The following ZFAND6 variants were observed in gnomAD, a reference collection of about 807,000 sequenced individuals.
ZFAND6 encodes AN1-type zinc finger protein 6.
In ZFAND6, 12 loss-of-function variants were observed where a neutral mutation model predicts 24.5. The observed-to-expected ratio is 0.49, with a 90% CI of 0.31 to 0.79. The LOEUF (loss-of-function observed/expected upper bound fraction) is 0.79, where lower values mean the gene tolerates loss of function less well. ZFAND6 is among the 30% of genes least tolerant of loss of function. The pLI is 0.04. For missense variants in ZFAND6, 207 were observed against 245.9 expected, an observed-to-expected ratio of 0.84 and a Z score of 1.06; for synonymous variants, 92 against 81.5, an observed-to-expected ratio of 1.13 and a Z score of -0.69.
intron 1 of ZFAND6, among the ~76,000 whole-genome samples, chr15:80,082,360 GAT>G (rs2037723379): frequency 6.6e-6 from 1 of 152,202 alleles, no homozygotes; most frequent in South Asian, 2.1e-4. Context: ...TTTATAGAGA[GAT>G]AGGAAAAATT....
intron 1 of ZFAND6, among the ~76,000 whole-genome samples, chr15:80,066,583 G>C (rs1490642310): frequency 6.6e-6 from 1 of 152,070 alleles, no homozygotes; most frequent in African/African-American, 2.4e-5. Flanking sequence ...AAAGTGCTGG[G>C]ATTACAGGCG....
intron 1 of ZFAND6, among the ~76,000 whole-genome samples, chr15:80,080,354 G>A (rs529822218): frequency 2.6e-4 from 39 of 152,260 alleles, no homozygotes; most frequent in African/African-American, 9.1e-4. Flanking sequence ...ATATACAGTA[G>A]TTGCCCCTTA....
At chr15:80,071,010 C>A (rs2036944837) in intron 1 of ZFAND6, among the ~76,000 whole-genome samples, 1 of 152,190 alleles carries the variant, frequency 6.6e-6, no homozygotes, top group Non-Finnish European at 1.5e-5. Context: ...TGAATCCTTG[C>A]AAAGGATCTT....
chr15:80,074,287 A>G (rs2037142470), intron 1 of ZFAND6, among the ~76,000 whole-genome samples: 1 of 151,914 alleles, frequency 6.6e-6, no homozygotes, highest in Non-Finnish European at 1.5e-5. Context: ...TATCTATGCT[A>G]GATATTTTAT....
At chr15:80,077,963 T>G (rs2141842396) in intron 1 of ZFAND6, among the ~76,000 whole-genome samples, 1 of 152,106 alleles carries the variant, frequency 6.6e-6, no homozygotes, top group African/African-American at 2.4e-5. Flanking sequence ...CCTCCCAAAG[T>G]GCTGGGATTA....
At chr15:80,070,021 C>T (rs143082253) in intron 1 of ZFAND6, among the ~76,000 whole-genome samples, 1 of 152,258 alleles carries the variant, frequency 6.6e-6, no homozygotes, top group East Asian at 1.9e-4. Flanking sequence ...CTACAATAAA[C>T]CACCAGTCGT....
chr15:80,114,444 C>G (rs549426528), intron 2 of ZFAND6, among the ~76,000 whole-genome samples: 1 of 152,006 alleles, frequency 6.6e-6, no homozygotes, highest in African/African-American at 2.4e-5. Context: ...AAACTAAAAC[C>G]GAAGTAATAT....
intron 5 of ZFAND6, among the ~76,000 whole-genome samples, chr15:80,124,910 A>C (rs1383746007): frequency 6.6e-6 from 1 of 152,230 alleles, no homozygotes; most frequent in African/African-American, 2.4e-5. Flanking sequence ...TTAACATATT[A>C]TTGAATTAAG....
At chr15:80,128,686 T>C (rs2040472692) in intron 5 of ZFAND6, among the ~76,000 whole-genome samples, 1 of 152,216 alleles carries the variant, frequency 6.6e-6, no homozygotes, top group African/African-American at 2.4e-5. Context: ...GCCTCATGGG[T>C]ATATAATCGA....
chr15:80,101,997 C>CAT (rs895861010), intron 2 of ZFAND6, among the ~76,000 whole-genome samples: 1 of 151,578 alleles, frequency 6.6e-6, no homozygotes, highest in African/African-American at 2.4e-5. Flanking sequence ...GGTTTTTTAG[C>CAT]ATGTTAGCCA....
intron 2 of ZFAND6, among the ~76,000 whole-genome samples, chr15:80,114,706 A>C (rs567683765): frequency 6.6e-6 from 1 of 152,332 alleles, no homozygotes; most frequent in South Asian, 2.1e-4. Flanking sequence ...CATCATTACT[A>C]TTCTTTTGTC....
rs758833474 is a variant in ZFAND6 at position 80,122,813 on chromosome 15, A to G, written c.364+13A>G. Reference sequence around the variant, plus strand: ...GAAGATGTGCAGGGTTTGTATATGAACTAGCATGTATTTTGTTATTTGAGT... The same window carrying G: ...GAAGATGTGCAGGGTTTGTATATGAGCTAGCATGTATTTTGTTATTTGAGT... On this transcript the variant is annotated intron_variant, in intron 5 of 6. Transcript: ENST00000261749. 3.1e-6 allele frequency: 5 copies of G among 1,594,974 alleles called. No individual in the cohort carries two copies. Among genetic ancestry groups the G allele is most frequent in the African/African-American group, 2.7e-5 (2 of 74,446 alleles).
chr15:80,119,724 A>G (rs1361365031), intron 2 of ZFAND6, among the ~76,000 whole-genome samples: 4 of 152,196 alleles, frequency 2.6e-5, no homozygotes, highest in Non-Finnish European at 5.9e-5. Flanking sequence ...TTAAAGGGGA[A>G]TGACTGGTTC....
In ZFAND6 at chr15:80,131,310, A is replaced by G. The variant is rs1447073232; in HGVS notation, c.478+17A>G. ...GACTTACTGGTAAGGACCTAAATCA[A>G]ATGTTTAAAATTAAAATGATGTTTT... On this transcript the variant is annotated intron_variant, in intron 6 of 6. Coordinates refer to ENST00000261749, the MANE Select transcript of ZFAND6 (RefSeq NM_019006.4). 1.9e-6 allele frequency: 3 copies of G among 1,596,354 alleles called. No homozygotes were observed. The South Asian group carries it at 3.3e-5, about 18-fold the overall frequency.
intron 1 of ZFAND6, among the ~76,000 whole-genome samples, chr15:80,079,252 G>A (rs183752510): frequency 3.1e-3 from 468 of 151,632 alleles, no homozygotes; most frequent in Non-Finnish European, 5.7e-3. Context: ...ACGGAGTCTC[G>A]CTCTGTCGCC....
chr15:80,082,122 C>G (rs570590796), intron 1 of ZFAND6, among the ~76,000 whole-genome samples: 1 of 152,100 alleles, frequency 6.6e-6, no homozygotes, highest in East Asian at 1.9e-4. Flanking sequence ...TCCAGTAAGC[C>G]CAGGTGGGGA....
intron 2 of ZFAND6, among the ~76,000 whole-genome samples, chr15:80,111,912 A>C (rs1029490940): frequency 6.6e-6 from 1 of 152,182 alleles, no homozygotes; most frequent in African/African-American, 2.4e-5. Flanking sequence ...TTTGGGGAAC[A>C]TGAGTCCAGT....
At chr15:80,087,175 G>C (rs973876257) in intron 1 of ZFAND6, among the ~76,000 whole-genome samples, 3 of 152,164 alleles carry the variant, frequency 2.0e-5, no homozygotes, top group African/African-American at 7.2e-5. Context: ...TAGAAACCTA[G>C]GAGTGGAATT....
chr15:80,128,371 A>G (rs977102879), intron 5 of ZFAND6, among the ~76,000 whole-genome samples: 1 of 152,220 alleles, frequency 6.6e-6, no homozygotes, highest in Non-Finnish European at 1.5e-5. Flanking sequence ...TTGCTGGAGG[A>G]TGACTTGTGA....
Sources: gnomAD v4.1 joint callset for allele counts (sites outside exome capture counted in the v4.1 genomes callset) on GRCh38, gnomAD v4.1.1 for gene constraint, MANE v1.5 for transcripts, NCBI Gene and HGNC (gene_info 2026-07-23, HGNC 2026-07-21) for gene names.